The following TNNT2 variants were observed in gnomAD, a reference collection of about 807,000 sequenced individuals.
TNNT2 encodes the protein troponin T2, cardiac type.
A neutral mutation model predicts 62.4 loss-of-function variants in TNNT2; 34 were observed. The ratio of observed to expected loss-of-function variants is 0.54; its 90% CI spans 0.41 to 0.72. The LOEUF is 0.72. Among genes scored for constraint, TNNT2 ranks in the 30% least tolerant of loss-of-function variants. The pLI is 0.00. For synonymous variants in TNNT2, 123 were observed against 127.2 expected (o/e 0.97, Z 0.22); for missense variants, 275 against 381.9 (o/e 0.72, Z 2.33).
At position 201,364,356 on chromosome 1, in the gene TNNT2, C is replaced by G. The variant is rs754037135; in HGVS notation, c.431G>C (p.Arg144Pro). ...ATTCCGGATGCGCTGCTGCTCGGCC[C>G]GCTCTGCCCGACGTCTCTCCTAAGG... ...KDRIERRRAE[R>P]AEQQRIRNER... Residue 144 changes from arginine (R) to proline (P), a missense_variant, in exon 11 of 17, where the codon CGG (arginine) becomes CCG (proline). Physicochemically the swap from Arg to Pro is moderately radical, Grantham distance 103. Transcript: ENST00000656932. 1.9e-6 allele frequency: 3 copies of G among 1,613,122 alleles called. No homozygotes were observed. Among genetic ancestry groups the G allele is most frequent in the Non-Finnish European group, 2.5e-6 (3 of 1,179,994 alleles).
chr1:201,377,316 T>A lies in TNNT2; in HGVS notation c.-15+307A>T, dbSNP rs566323543. Among the ~76,000 whole-genome samples the A allele has an allele frequency of 3.3e-5, 5 of 152,318 alleles. 1 individual carries two copies. The South Asian group carries it at 1.0e-3, about 32-fold the overall frequency. ...TAGCCCACTCTACAGATGAGAAAACTGAGGCCTGGGGAGGGAAAGTGACTC... is the reference window on the plus strand; with the variant it reads ...TAGCCCACTCTACAGATGAGAAAACAGAGGCCTGGGGAGGGAAAGTGACTC... On this transcript the variant is annotated intron_variant, in intron 1 of 16. Coordinates refer to ENST00000656932, the MANE Select transcript of TNNT2 (RefSeq NM_001276345.2).
At chr1:201,371,112 C>T (rs561605386) in intron 4 of TNNT2, among the ~76,000 whole-genome samples, 1 of 152,194 alleles carries the variant, frequency 6.6e-6, no homozygotes, top group Non-Finnish European at 1.5e-5. Flanking sequence ...GCGGGGCCAC[C>T]TGGGCTCCCC....
At chr1:201,362,210 G>C (rs1406166450) in intron 13 of TNNT2, 176 bp downstream of exon 13, 1 of 1,262,492 alleles carries the variant, frequency 7.9e-7, no homozygotes, top group African/African-American at 1.5e-5. Flanking sequence ...GGGCAAGAAG[G>C]ATCACGTCAG....
chr1:201,375,841 T>G (rs1276226370), intron 1 of TNNT2, among the ~76,000 whole-genome samples: 2 of 152,248 alleles, frequency 1.3e-5, no homozygotes, highest in Non-Finnish European at 2.9e-5. Context: ...TCAGAGCCAC[T>G]GGGCATGGTG....
chr1:201,365,163 A>C (rs1659420103), intron 10 of TNNT2, 28 bp downstream of exon 10: 2 of 1,564,176 alleles, frequency 1.3e-6, no homozygotes. Flanking sequence ...CCATCAGAGA[A>C]TGTTAGGTGG....
intron 12 of TNNT2, 103 bp from the exon 13 acceptor site, chr1:201,362,497 A>G: frequency 6.9e-7 from 1 of 1,447,758 alleles, no homozygotes; most frequent in South Asian, 1.2e-5. Context: ...GAGACATGGA[A>G]GAGAAGATTC....
Position 201,362,740 on chromosome 1 carries a change from C to T in TNNT2, c.601-346G>A, listed in dbSNP as rs75667898. ...TCAATTTCACATATCCCTCCTCCCT[C>T]GAGAATGGAGGACCTAGGAGGAATG... is the stretch of plus-strand genomic sequence containing the variant. On this transcript the variant is annotated intron_variant, in intron 12 of 16. Transcript: ENST00000656932. Among the ~76,000 whole-genome samples the T allele has an allele frequency of 9.9e-3, 1,500 of 152,238 alleles. 25 individuals carry two copies. Among genetic ancestry groups the T allele is most frequent in the African/African-American group, 0.034 (1,420 of 41,534 alleles).
At chr1:201,362,509 G>A (rs994497930) in intron 12 of TNNT2, 115 bp from the exon 13 acceptor site, 35 of 1,359,550 alleles carry the variant, frequency 2.6e-5, no homozygotes, top group Non-Finnish European at 3.5e-5. Flanking sequence ...AGAAGATTCA[G>A]ATACTCGCTG....
intron 5 of TNNT2, among the ~76,000 whole-genome samples, chr1:201,369,060 A>T (rs1436803596): frequency 6.6e-6 from 1 of 152,168 alleles, no homozygotes; most frequent in East Asian, 1.9e-4. Context: ...GCGAGGAAGG[A>T]CATGGCCATT....
chr1:201,368,178 C>T lies in TNNT2; in HGVS notation c.147G>A (p.Glu49=), dbSNP rs1246206412. The T allele has an allele frequency of 3.1e-6, 5 of 1,614,156 alleles. No homozygotes were observed. The highest frequency in any genetic ancestry group is 4.2e-6 in the Non-Finnish European group (5 of 1,180,026). ...EEDAEAEAET[E]ETRAEEDEEE... The stretch of plus-strand genomic sequence containing the variant: ...GAGACTTACCTTCTGCCCTGGTCTC[C>T]TCGGTCTCAGCCTCTGCTTCAGCAT... Residue 49 remains glutamate (E), a synonymous_variant, in exon 6 of 17, where the codon GAG becomes GAA. Transcript: ENST00000656932.
chr1:201,366,531 G>A (rs1176900992), intron 8 of TNNT2: 5 of 1,269,290 alleles, frequency 3.9e-6, no homozygotes, highest in Admixed American at 3.4e-5. Context: ...CGGCCATGGA[G>A]GAGGGTGTTC....
chr1:201,366,277 G>A (rs1659637665), intron 8 of TNNT2: 4 of 1,022,200 alleles, frequency 3.9e-6, no homozygotes, highest in Non-Finnish European at 4.7e-6. Flanking sequence ...GAAATGGGAA[G>A]AGCCTGTGAG....
intron 11 of TNNT2, 91 bp downstream of exon 11, chr1:201,364,207 A>G: frequency 1.5e-6 from 2 of 1,346,206 alleles, no homozygotes; most frequent in South Asian, 1.2e-5. Flanking sequence ...GACTGATTTC[A>G]TTCATGTTGA....
chr1:201,367,851 C>A, intron 6 of TNNT2, 45 bp from the exon 7 acceptor site: 1 of 1,610,270 alleles, frequency 6.2e-7, no homozygotes. Context: ...GTTCTGAGCT[C>A]AAGTCCCCCC....
intron 2 of TNNT2, 184 bp downstream of exon 2, chr1:201,373,030 C>T (rs1571680316): frequency 1.4e-6 from 1 of 737,410 alleles, no homozygotes; most frequent in East Asian, 2.6e-5. Flanking sequence ...TGTGCTCTGC[C>T]TGGGATCTAC....
At chr1:201,362,243 A>T in intron 13 of TNNT2, 143 bp downstream of exon 13, 4 of 1,409,270 alleles carry the variant, frequency 2.8e-6, no homozygotes, top group Non-Finnish European at 3.9e-6. Context: ...TTGCCTAACT[A>T]ATCTCTTTCA....
chr1:201,364,839 C>A (rs951654244), intron 10 of TNNT2, among the ~76,000 whole-genome samples: 1 of 152,206 alleles, frequency 6.6e-6, no homozygotes, highest in African/African-American at 2.4e-5. Context: ...TCACACTCCC[C>A]TTCATCTGCG....
rs539788300 is a variant in TNNT2, at chr1:201,369,736, A to G, written c.97+80T>C. The G allele has an allele frequency of 1.1e-5, 18 of 1,588,472 alleles. 1 individual carries two copies. In the Admixed American group the frequency reaches 2.0e-4, roughly 18 times the overall value. On this transcript the variant is annotated intron_variant, in intron 5 of 16. Transcript: ENST00000656932. ...CGCCTACTCACACCCCCCAGCCCCCAGAACAGGGCCCCTGGACAAGGAGGC... is the reference window on the plus strand; with the variant it reads ...CGCCTACTCACACCCCCCAGCCCCCGGAACAGGGCCCCTGGACAAGGAGGC...
intron 5 of TNNT2, among the ~76,000 whole-genome samples, chr1:201,369,590 G>A (rs1291343484): frequency 6.6e-6 from 1 of 152,192 alleles, no homozygotes; most frequent in Admixed American, 6.5e-5. Context: ...CCAGGGGAAG[G>A]ATCCAGGAAC....
Sources: allele counts gnomAD v4.1 joint callset (sites outside exome capture counted in the v4.1 genomes callset), GRCh38; gene constraint gnomAD v4.1.1; transcripts MANE v1.5; gene names NCBI Gene and HGNC (gene_info 2026-07-23, HGNC 2026-07-21).